Variants in MAP2 observed in about 807,000 individuals in gnomAD.
MAP2 encodes the protein microtubule associated protein 2.
In MAP2, 14 loss-of-function variants were observed where a neutral mutation model predicts 137.6. That is an observed-to-expected ratio of 0.10 (90% CI 0.07 to 0.16). The LOEUF (loss-of-function observed/expected upper bound fraction) is 0.16. Ranked by LOEUF, MAP2 falls within the 10% of genes least tolerant of loss-of-function variation. The probability of loss-of-function intolerance (pLI) is 1.00; values close to 1 mark genes in which losing one functional copy is unlikely to be tolerated. For synonymous variants in MAP2, 786 were observed against 782.3 expected (o/e 1.00, Z -0.08); for missense variants, 2,088 against 2,191.5 (o/e 0.95, Z 0.94).
At chr2:209,720,301 C>T (rs114572232) in intron 13 of MAP2, among the ~76,000 whole-genome samples, 2,494 of 152,248 alleles carry the variant, frequency 0.016, 65 homozygotes, top group African/African-American at 0.057. Flanking sequence ...TTGTCACACT[C>T]TTTCAAATTA....
intron 7 of MAP2, chr2:209,690,740 C>T (rs779428912): frequency 3.9e-5 from 50 of 1,289,610 alleles, no homozygotes; most frequent in Non-Finnish European, 6.1e-6. Context: ...TGCGGAGGCC[C>T]AAATAGTTCC....
At position 209,693,456 on chromosome 2, in the gene MAP2, G is replaced by C. The variant is rs902740807; in HGVS notation, c.1286G>C (p.Ser429Thr). ...TVQQRDTFTPSGQEPILTEKE... is the reference protein window; with the variant it reads ...TVQQRDTFTPTGQEPILTEKE... ...CAGCAAAGGGATACTTTCACCCCCA[G>C]TGGACAGGAACCTATACTTACTGAA... The change falls in exon 8 of 16, where the codon AGT becomes ACT. Residue 429 changes from serine (S) to threonine (T), a missense_variant. Coordinates refer to ENST00000682079, the MANE Select transcript of MAP2 (RefSeq NM_001375505.1). 47 of 1,613,908 alleles carry C rather than the reference G, an allele frequency of 2.9e-5. No homozygotes were observed. The highest frequency in any genetic ancestry group is 3.6e-5 in the Non-Finnish European group (42 of 1,180,000).
chr2:209,705,716 G>A lies in MAP2; in HGVS notation c.4721G>A (p.Arg1574Gln), dbSNP rs376761772. ...SLNSSISSSA[R>Q]RTTRSEPIRR... ...AACAGTTCTATCTCTTCTTCAGCAC[G>A]GCGGACCACCAGTAGGTTTATTTTG... The change falls in exon 12 of 16, where the codon CGG (arginine) becomes CAG (glutamine). Residue 1574 changes from arginine (R) to glutamine (Q), a missense_variant. Physicochemically the swap from Arg to Gln is conservative, Grantham distance 43. This residue lies in a region of MAP2 where 591 missense variants were observed against 642.6 expected (regional missense o/e 0.92). Transcript: ENST00000682079. 2.0e-5 allele frequency: 33 copies of A among 1,612,040 alleles called. No homozygotes were observed. Among genetic ancestry groups the A allele is most frequent in the Admixed American group, 1.0e-4 (6 of 59,856 alleles).
In MAP2 at chr2:209,629,037, T is replaced by C. The variant is rs760973478; in HGVS notation, c.-30+3908T>C. ...TTCATGTTTTTGACTCATGATTTTATAGCATTATGAGAAACTTTACTTAGC... is the reference window on the plus strand; with the variant it reads ...TTCATGTTTTTGACTCATGATTTTACAGCATTATGAGAAACTTTACTTAGC... On this transcript the variant is annotated intron_variant, in intron 4 of 15. Transcript: ENST00000682079. 3.8e-4 allele frequency among the ~76,000 whole-genome samples: 58 copies of C among 152,236 alleles called. 1 individual carries two copies. Among genetic ancestry groups the C allele is most frequent in the Non-Finnish European group, 7.5e-4 (51 of 68,034 alleles).
chr2:209,633,709 A>G (rs1267367725), intron 4 of MAP2, among the ~76,000 whole-genome samples: 1 of 152,106 alleles, frequency 6.6e-6, no homozygotes, highest in Admixed American at 6.6e-5. Flanking sequence ...AAAAGGAGGA[A>G]GAATGAGCTG....
chr2:209,720,675 G>A (rs1297907874), intron 13 of MAP2, among the ~76,000 whole-genome samples: 1 of 149,932 alleles, frequency 6.7e-6, no homozygotes, highest in Non-Finnish European at 1.5e-5. Flanking sequence ...GAAATAAATT[G>A]GCAGAGATTA....
intron 1 of MAP2, among the ~76,000 whole-genome samples, chr2:209,425,610 A>G (rs1228226532): frequency 6.6e-6 from 1 of 152,194 alleles, no homozygotes; most frequent in Non-Finnish European, 1.5e-5. Flanking sequence ...TAGAAAAGGA[A>G]ATGATTGCAA....
intron 5 of MAP2, among the ~76,000 whole-genome samples, chr2:209,662,056 AT>A (rs1383042250): frequency 6.6e-6 from 1 of 152,186 alleles, no homozygotes; most frequent in Admixed American, 6.5e-5. Context: ...TTCTTAATCG[AT>A]ATATGAGGAA....
At chr2:209,682,262 G>A (rs1443034493) in intron 7 of MAP2, among the ~76,000 whole-genome samples, 4 of 152,006 alleles carry the variant, frequency 2.6e-5, no homozygotes, top group African/African-American at 7.3e-5. Flanking sequence ...AGGCCGAGGC[G>A]GGCAGATCAC....
intron 1 of MAP2, among the ~76,000 whole-genome samples, chr2:209,429,026 T>A (rs1435796694): frequency 6.6e-6 from 1 of 152,068 alleles, no homozygotes; most frequent in Non-Finnish European, 1.5e-5. Context: ...CCATCTCGGC[T>A]CACTGCAAGC....
rs147937229 is a variant in MAP2 at position 209,426,247 on chromosome 2, C to T, written c.-222+1971C>T. Among the ~76,000 whole-genome samples the T allele has an allele frequency of 2.0e-3, 309 of 152,004 alleles. 1 individual carries two copies. In the Middle Eastern group the frequency reaches 0.024, roughly 12 times the overall value. On this transcript the variant is annotated intron_variant, in intron 1 of 15. Transcript: ENST00000682079. ...TGTCCAAAGTTTTCTTTTTTAAAACCATAAGTAGAAAATTGCTTAACACAC... is the reference window on the plus strand; with the variant it reads ...TGTCCAAAGTTTTCTTTTTTAAAACTATAAGTAGAAAATTGCTTAACACAC...
intron 2 of MAP2, among the ~76,000 whole-genome samples, chr2:209,554,616 T>A (rs886379286): frequency 4.6e-5 from 7 of 151,970 alleles, no homozygotes; most frequent in Admixed American, 4.6e-4. Flanking sequence ...GGTGAAGCGT[T>A]GTCTCTACAA....
At chr2:209,504,905 C>G (rs1192063664) in intron 1 of MAP2, among the ~76,000 whole-genome samples, 1 of 152,058 alleles carries the variant, frequency 6.6e-6, no homozygotes, top group African/African-American at 2.4e-5. Flanking sequence ...TATGTACATT[C>G]TATTTTAGCC....
chr2:209,655,744 A>G (rs1380095250), intron 5 of MAP2, among the ~76,000 whole-genome samples: 3 of 152,224 alleles, frequency 2.0e-5, no homozygotes, highest in East Asian at 1.9e-4. Flanking sequence ...ACATCAGCTC[A>G]CTCTTTTATA....
chr2:209,441,319 T>C (rs1035768391), intron 1 of MAP2, among the ~76,000 whole-genome samples: 1 of 135,666 alleles, frequency 7.4e-6, no homozygotes, highest in Non-Finnish European at 1.5e-5. Flanking sequence ...TTTTATTTCT[T>C]TGGGCAGTTA....
chr2:209,653,443 G>A lies in MAP2; in HGVS notation c.262+11G>A. The stretch of plus-strand genomic sequence containing the variant: ...ACAGAGAAACAGCAGGTAACTAAGG[G>A]CTCTACTGTCACCAAGTGCTTGCTT... On this transcript the variant is annotated intron_variant, in intron 5 of 15. Coordinates refer to ENST00000682079, the MANE Select transcript of MAP2 (RefSeq NM_001375505.1). The A allele has an allele frequency of 1.3e-6, 2 of 1,576,646 alleles. No individual in the cohort carries two copies. Among genetic ancestry groups the A allele is most frequent in the Non-Finnish European group, 1.7e-6 (2 of 1,161,194 alleles).
In MAP2 at chr2:209,695,619, G is replaced by A; in HGVS notation, c.3449G>A (p.Gly1150Asp). ...ATGGAGTCCTTGAAAGCTGATGAGG[G>A]CAAGAAGGAAACATCTCCAGAATCA... Reference protein sequence around the residue: ...LTMESLKADEGKKETSPESSL... With the variant: ...LTMESLKADEDKKETSPESSL... The change falls in exon 8 of 16, where the codon GGC becomes GAC. Residue 1150 changes from glycine (G) to aspartate (D), a missense_variant. Physicochemically the swap from Gly to Asp is moderately conservative, Grantham distance 94 (BLOSUM62 -1). This residue lies in a region of MAP2 where 591 missense variants were observed against 642.6 expected (regional missense o/e 0.92). Coordinates refer to ENST00000682079, the MANE Select transcript of MAP2 (RefSeq NM_001375505.1). 6.2e-7 allele frequency: 1 copy of A among 1,614,010 alleles called. No individual in the cohort carries two copies. The highest frequency in any genetic ancestry group is 8.5e-7 in the Non-Finnish European group (1 of 1,179,976).
chr2:209,584,327 C>G (rs547622639), intron 3 of MAP2, among the ~76,000 whole-genome samples: 14 of 151,960 alleles, frequency 9.2e-5, no homozygotes, highest in Non-Finnish European at 1.3e-4. Context: ...CAAACATTAG[C>G]AAAGGAATCA....
chr2:209,579,108 T>C (rs1161769284), intron 2 of MAP2, among the ~76,000 whole-genome samples: 1 of 152,198 alleles, frequency 6.6e-6, no homozygotes, highest in East Asian at 1.9e-4. Context: ...ATTGTAATTA[T>C]CTGCCAATGA....
Sources: allele counts gnomAD v4.1 joint callset (sites outside exome capture counted in the v4.1 genomes callset), GRCh38; gene constraint gnomAD v4.1.1; regional missense constraint gnomAD v4.1.1; transcripts MANE v1.5; gene names NCBI Gene and HGNC (gene_info 2026-07-23, HGNC 2026-07-21).